TSHZ3: variants seen among roughly 807,000 people sequenced by gnomAD.
The protein encoded by TSHZ3 is teashirt zinc finger homeobox 3.
In TSHZ3, 10 loss-of-function variants were observed where a neutral mutation model predicts 64.5. That is an observed-to-expected ratio of 0.16 (90% CI 0.10 to 0.26). The LOEUF is 0.26. Ranked by LOEUF, TSHZ3 falls within the 10% of genes least tolerant of loss-of-function variation. TSHZ3 has a pLI of 1.00. For missense variants in TSHZ3, 1,242 were observed against 1,421.7 expected (o/e 0.87, Z 2.03); for synonymous variants, 608 against 593.1 (o/e 1.03, Z -0.36).
At chr19:31,199,055 G>A (rs557810943) in intron 5 of TSHZ3, among the ~76,000 whole-genome samples, 10 of 152,218 alleles carry the variant, frequency 6.6e-5, no homozygotes, top group East Asian at 5.8e-4. Flanking sequence ...ATGTGGTATC[G>A]TCAAAAAATA....
At chr19:31,158,184 T>C (rs1835066986) in intron 5 of TSHZ3, among the ~76,000 whole-genome samples, 1 of 152,216 alleles carries the variant, frequency 6.6e-6, no homozygotes, top group African/African-American at 2.4e-5. Flanking sequence ...TCTAGCCACA[T>C]GTGGCTACTG....
At chr19:31,272,827 G>A (rs764938021), downstream of TSHZ3, among the ~76,000 whole-genome samples, 17 of 152,166 alleles carry the variant, frequency 1.1e-4, no homozygotes, top group Non-Finnish European at 2.2e-4. Context: ...GCAGCAAGCC[G>A]GGGCTTGGGC....
intron 1 of TSHZ3, among the ~76,000 whole-genome samples, chr19:31,300,059 CGA>C (rs947567194): frequency 1.7e-4 from 26 of 152,030 alleles, no homozygotes; most frequent in South Asian, 8.3e-4. Context: ...TGTGAGCACG[CGA>C]GAGAGTGTGT....
chr19:31,151,342 T>C (rs1259322761), exon 7 of TSHZ3, among the ~76,000 whole-genome samples: 1 of 151,848 alleles, frequency 6.6e-6, no homozygotes, highest in East Asian at 1.9e-4. Flanking sequence ...TCTTTAACAA[T>C]ATCCAGAAAA....
downstream of TSHZ3, among the ~76,000 whole-genome samples, chr19:31,271,691 G>C (rs1408482938): frequency 6.6e-6 from 1 of 152,186 alleles, no homozygotes; most frequent in Non-Finnish European, 1.5e-5. Flanking sequence ...AATGCTGAAA[G>C]GCATCCACCA....
At chr19:31,234,192 T>C (rs1281579451) in intron 3 of TSHZ3, among the ~76,000 whole-genome samples, 2 of 152,252 alleles carry the variant, frequency 1.3e-5, no homozygotes, top group African/African-American at 2.4e-5. Context: ...TTGTTGTTCA[T>C]AATAATTAAC....
At chr19:31,173,898 C>T (rs555310121) in intron 5 of TSHZ3, among the ~76,000 whole-genome samples, 3 of 151,992 alleles carry the variant, frequency 2.0e-5, no homozygotes, top group African/African-American at 4.8e-5. Context: ...GGTGAAACCC[C>T]GTCTCTACTA....
chr19:31,160,942 T>G (rs1568333309), intron 5 of TSHZ3, among the ~76,000 whole-genome samples: 1 of 152,236 alleles, frequency 6.6e-6, no homozygotes, highest in East Asian at 1.9e-4. Context: ...TGTGCACATG[T>G]AAATTTGTCA....
Position 31,277,739 on chromosome 19 carries a change from G to A in TSHZ3, c.2054C>T (p.Ala685Val), listed in dbSNP as rs776452204. The part of the protein sequence containing the change: ...RDGCKDGSPL[A>V]EPVENGKELV... ...CTCCTTGCCATTCTCCACCGGCTCAGCGAGGGGGCTCCCATCCTTGCACCC... is the reference window on the plus strand; with the variant it reads ...CTCCTTGCCATTCTCCACCGGCTCAACGAGGGGGCTCCCATCCTTGCACCC... The change falls in exon 2 of 2, where the codon GCT (alanine) becomes GTT (valine). Residue 685 changes from alanine to valine, a missense_variant. Around this residue, in one of 4 missense-constraint regions of TSHZ3, gnomAD observed 550 missense variants for 545.1 expected, o/e 1.01. Coordinates refer to ENST00000240587, the MANE Select transcript of TSHZ3 (RefSeq NM_020856.4). This position sits in a 1 kb window ranked among gnomAD's most constrained non-coding sequence, Gnocchi z 4.5. 1.3e-6 allele frequency: 2 copies of A among 1,522,660 alleles called. No individual in the cohort carries two copies. Among genetic ancestry groups the A allele is most frequent in the South Asian group, 1.3e-5 (1 of 75,350 alleles). 94.3% of individuals were successfully genotyped at this position (1,522,660 alleles called of 1,614,324 possible). A position where few individuals can be genotyped will look rare whatever the true frequency, so the allele number is the denominator to read the frequency against.
intron 1 of TSHZ3, among the ~76,000 whole-genome samples, chr19:31,326,349 T>A (rs538553364): frequency 1.2e-4 from 19 of 152,238 alleles, no homozygotes; most frequent in Non-Finnish European, 2.4e-4. Flanking sequence ...TCTTGAATAT[T>A]GCATTATGGA....
intron 4 of TSHZ3, among the ~76,000 whole-genome samples, chr19:31,226,391 A>G (rs1401418904): frequency 2.0e-5 from 3 of 152,044 alleles, no homozygotes; most frequent in African/African-American, 7.2e-5. Context: ...GTCTCACAAG[A>G]TCTGATTGTT....
At chr19:31,350,289 A>G (rs1013568890), upstream of TSHZ3, among the ~76,000 whole-genome samples, 3 of 149,646 alleles carry the variant, frequency 2.0e-5, no homozygotes, top group Non-Finnish European at 3.0e-5. Flanking sequence ...GACCCGCCGT[A>G]GCCACTTCCC....
At chr19:31,260,882 C>T (rs1164656543) in intron 1 of TSHZ3, among the ~76,000 whole-genome samples, 1 of 152,192 alleles carries the variant, frequency 6.6e-6, no homozygotes, top group Non-Finnish European at 1.5e-5. Context: ...AATCCATTCA[C>T]CACATGCATT....
In TSHZ3 at chr19:31,279,140, T is replaced by C. The variant is rs748671737; in HGVS notation, c.653A>G (p.Asp218Gly). The change falls in exon 2 of 2, where the codon GAC (aspartate) becomes GGC (glycine). Residue 218 changes from aspartate to glycine, a missense_variant. Physicochemically the swap from Asp to Gly is moderately conservative, Grantham distance 94. Around this residue, in one of 4 missense-constraint regions of TSHZ3, gnomAD observed 555 missense variants for 704.0 expected, o/e 0.79. Transcript: ENST00000240587. This position sits in a 1 kb window ranked among gnomAD's most constrained non-coding sequence, Gnocchi z 6.4. ...CAGGGTGTCGTAGGCAGCGCTGCAGTCCTTACAGCGGAACTTGCTGGCCCC... is the reference window on the plus strand; with the variant it reads ...CAGGGTGTCGTAGGCAGCGCTGCAGCCCTTACAGCGGAACTTGCTGGCCCC... ...FTGASKFRCK[D>G]CSAAYDTLVE... 6.2e-7 allele frequency: 1 copy of C among 1,613,198 alleles called. No homozygotes were observed. The highest frequency in any genetic ancestry group is 8.5e-7 in the Non-Finnish European group (1 of 1,179,382).
At chr19:31,202,212 G>C (rs901415737) in intron 5 of TSHZ3, among the ~76,000 whole-genome samples, 4 of 151,486 alleles carry the variant, frequency 2.6e-5, no homozygotes, top group Non-Finnish European at 5.9e-5. Flanking sequence ...TAGAGAAAAA[G>C]ATAAGCTAAT....
chr19:31,330,517 C>T (rs566001060), intron 1 of TSHZ3, among the ~76,000 whole-genome samples: 4 of 152,170 alleles, frequency 2.6e-5, no homozygotes, highest in Non-Finnish European at 5.9e-5. Flanking sequence ...GTCACACCCT[C>T]GGTCAGCATC....
chr19:31,199,368 C>T (rs905236675), intron 5 of TSHZ3, among the ~76,000 whole-genome samples: 2 of 143,028 alleles, frequency 1.4e-5, no homozygotes, highest in African/African-American at 5.2e-5. Flanking sequence ...TGCACCACTG[C>T]ACTCCAGCCT....
chr19:31,157,097 G>A (rs1203453754), intron 5 of TSHZ3, among the ~76,000 whole-genome samples: 1 of 137,660 alleles, frequency 7.3e-6, no homozygotes, highest in African/African-American at 2.6e-5. Context: ...ATTCTAACCT[G>A]GCATTTTTTT....
chr19:31,348,167 C>T (rs573956397), intron 1 of TSHZ3, among the ~76,000 whole-genome samples: 1 of 152,188 alleles, frequency 6.6e-6, no homozygotes, highest in African/African-American at 2.4e-5. Flanking sequence ...CAAAGTTGCA[C>T]TGACAGGGCC....
Sources: gnomAD v4.1 joint callset for allele counts (sites outside exome capture counted in the v4.1 genomes callset) on GRCh38, gnomAD v4.1.1 for gene constraint, gnomAD v4.1.1 regional missense constraint, Gnocchi (gnomAD v3.1) non-coding constraint, MANE v1.5 for transcripts, NCBI Gene and HGNC (gene_info 2026-07-23, HGNC 2026-07-21) for gene names.